Variants in RBMS1 observed in about 807,000 individuals in gnomAD.
RBMS1 encodes the protein RNA binding motif single stranded interacting protein 1.
Under a neutral mutation model 62.3 loss-of-function variants are expected in RBMS1, and 17 were observed. That is an observed-to-expected ratio of 0.27 (90% CI 0.19 to 0.41). The LOEUF (loss-of-function observed/expected upper bound fraction) is 0.41. Ranked by LOEUF, RBMS1 falls within the 10% of genes least tolerant of loss-of-function variation. The pLI is 1.00. For missense variants in RBMS1, 334 were observed against 504.5 expected, an observed-to-expected ratio of 0.66 and a Z score of 3.24; for synonymous variants, 172 against 170.0, an observed-to-expected ratio of 1.01 and a Z score of -0.09.
intron 2 of RBMS1, among the ~76,000 whole-genome samples, chr2:160,327,870 T>C (rs370838439): frequency 8.3e-4 from 127 of 152,342 alleles, no homozygotes; most frequent in African/African-American, 3.0e-3. Flanking sequence ...AATTTGATCA[T>C]AGAAAGTGGC....
Position 160,278,667 on chromosome 2 carries a change from T to G in RBMS1, c.952-9A>C. On this transcript the variant is annotated splice_polypyrimidine_tract_variant and intron_variant, in intron 10 of 13. Coordinates refer to ENST00000348849, the MANE Select transcript of RBMS1 (RefSeq NM_016836.4). ...GGAGTTAACACGGCACCCTGGGGAG[T>G]TGGAGACAGGAGCAAAATTAGACAA... 1 of 1,592,632 alleles carries G rather than the reference T, an allele frequency of 6.3e-7. No homozygotes were observed. Among genetic ancestry groups the G allele is most frequent in the Non-Finnish European group, 8.6e-7 (1 of 1,167,034 alleles).
Position 160,356,016 on chromosome 2 carries a change from C to T in RBMS1, c.251+11200G>A, listed in dbSNP as rs547378867. Among the ~76,000 whole-genome samples the T allele has an allele frequency of 1.9e-4, 29 of 152,122 alleles. 1 individual carries two copies. Among genetic ancestry groups the T allele is most frequent in the Non-Finnish European group, 1.9e-4 (13 of 68,006 alleles). ...TATGTTTTAATCAGATTTATACTTA[C>T]AGCAAAACTATAATGTTCTTATATG... On this transcript the variant is annotated intron_variant, in intron 2 of 13. Coordinates refer to ENST00000348849, the MANE Select transcript of RBMS1 (RefSeq NM_016836.4).
intron 1 of RBMS1, among the ~76,000 whole-genome samples, chr2:160,478,387 T>C (rs958695576): frequency 6.6e-6 from 1 of 152,214 alleles, no homozygotes; most frequent in African/African-American, 2.4e-5. Flanking sequence ...TACTCAATCA[T>C]ACAATCCTAA....
intron 1 of RBMS1, among the ~76,000 whole-genome samples, chr2:160,389,019 T>C (rs1357196859): frequency 6.6e-6 from 1 of 152,252 alleles, no homozygotes; most frequent in Non-Finnish European, 1.5e-5. Flanking sequence ...TGATTGTTTG[T>C]GGCAAAAATT....
chr2:160,385,853 A>T (rs1214080162), intron 1 of RBMS1, among the ~76,000 whole-genome samples: 3 of 152,210 alleles, frequency 2.0e-5, no homozygotes, highest in Non-Finnish European at 2.9e-5. Context: ...ACCTGCGCTC[A>T]CAAGAGACTC....
intron 3 of RBMS1, among the ~76,000 whole-genome samples, chr2:160,313,562 G>T (rs55779984): frequency 1.3e-5 from 2 of 151,060 alleles, no homozygotes; most frequent in African/African-American, 4.9e-5. Flanking sequence ...TTAAAAAAAA[G>T]AAATTTAAAA....
chr2:160,302,777 C>A (rs983291670), intron 5 of RBMS1: 1 of 151,136 alleles, frequency 6.6e-6, no homozygotes, highest in Non-Finnish European at 1.5e-5. Flanking sequence ...CAGGCATGAG[C>A]CACCATGCCT....
chr2:160,341,692 A>C (rs967460048), intron 2 of RBMS1, among the ~76,000 whole-genome samples: 6 of 152,190 alleles, frequency 3.9e-5, no homozygotes, highest in Admixed American at 1.3e-4. Flanking sequence ...ATAGGGAGGC[A>C]ATAGGGCAGT....
intron 1 of RBMS1, among the ~76,000 whole-genome samples, chr2:160,476,633 C>A (rs1342618328): frequency 1.4e-5 from 2 of 144,124 alleles, no homozygotes; most frequent in Non-Finnish European, 3.0e-5. Context: ...CGGCTCACTG[C>A]AAGCTCCGCC....
chr2:160,322,934 G>A (rs929725784), intron 2 of RBMS1, among the ~76,000 whole-genome samples: 1 of 152,136 alleles, frequency 6.6e-6, no homozygotes, highest in African/African-American at 2.4e-5. Context: ...ATATCAAATG[G>A]CACCTCAGGG....
intron 1 of RBMS1, among the ~76,000 whole-genome samples, chr2:160,439,359 G>A (rs1185280122): frequency 2.7e-5 from 4 of 150,262 alleles, no homozygotes; most frequent in Non-Finnish European, 5.9e-5. Context: ...CCAGGCAGAG[G>A]GTCTCCTCAC....
intron 1 of RBMS1, among the ~76,000 whole-genome samples, chr2:160,426,297 A>AGAAAGAAAGAAAAGAAAGAAG (rs1559537519): frequency 1.8e-5 from 1 of 56,102 alleles, no homozygotes; most frequent in Non-Finnish European, 3.6e-5. Context: ...AAGAAAAGAA[A>AGAAAGAAAGAAAAGAAAGAAG]GAAGGAAGGA....
chr2:160,279,394 C>T (rs1346862186), intron 10 of RBMS1: 1 of 152,038 alleles, frequency 6.6e-6, no homozygotes. Flanking sequence ...CTCAGCCAGT[C>T]TAATACAACC....
At chr2:160,453,795 C>T (rs1684097604) in intron 1 of RBMS1, among the ~76,000 whole-genome samples, 1 of 152,126 alleles carries the variant, frequency 6.6e-6, no homozygotes, top group African/African-American at 2.4e-5. Flanking sequence ...TTCTCCTTAC[C>T]CACCCTTCTT....
Position 160,272,752 on chromosome 2 carries a change from G to C in RBMS1, c.*2020C>G. 6.6e-6 allele frequency: 1 copy of C among 152,206 alleles called. No homozygotes were observed. The highest frequency in any genetic ancestry group is 2.4e-5 in the African/African-American group (1 of 41,532). The allele number at this position is 152,206 out of a possible 1,614,324, so 9.4% of individuals were successfully genotyped here. On this transcript the variant is annotated 3_prime_UTR_variant, in exon 14 of 14. Coordinates refer to ENST00000348849, the MANE Select transcript of RBMS1 (RefSeq NM_016836.4). ...AATAATACCACAACTTTAAAAAAATGAAACAAAAACAAAAACAAAAACACA... is the reference window on the plus strand; with the variant it reads ...AATAATACCACAACTTTAAAAAAATCAAACAAAAACAAAAACAAAAACACA...
intron 2 of RBMS1, among the ~76,000 whole-genome samples, chr2:160,332,365 C>T (rs184767418): frequency 2.6e-5 from 4 of 152,228 alleles, no homozygotes; most frequent in Non-Finnish European, 5.9e-5. Flanking sequence ...GGGACAAAAA[C>T]GTCCCAATAC....
chr2:160,454,750 A>C (rs1475391336), intron 1 of RBMS1, among the ~76,000 whole-genome samples: 1 of 152,206 alleles, frequency 6.6e-6, no homozygotes, highest in African/African-American at 2.4e-5. Context: ...CCAGTAAGTC[A>C]CTAAGGGTTT....
chr2:160,324,903 TATATACACAC>T lies in RBMS1; in HGVS notation c.252-6686_252-6677del, dbSNP rs1171028495. ...GTGTGTATATATATATATATATATA[TATATACACAC>T]ACACACACACACACACACACACACA... On this transcript the variant is annotated intron_variant, in intron 2 of 13. Coordinates refer to ENST00000348849, the MANE Select transcript of RBMS1 (RefSeq NM_016836.4). Among the ~76,000 whole-genome samples the T allele has an allele frequency of 1.2e-4, 14 of 118,988 alleles. No homozygotes were observed. The East Asian group carries it at 2.0e-3, about 17-fold the overall frequency. 78.1% of individuals were successfully genotyped at this position (118,988 alleles called of 152,430 possible). A position where few individuals can be genotyped will look rare whatever the true frequency, so the allele number is the denominator to read the frequency against.
chr2:160,370,929 A>C (rs909760831), intron 1 of RBMS1, among the ~76,000 whole-genome samples: 4 of 152,262 alleles, frequency 2.6e-5, no homozygotes, highest in Non-Finnish European at 5.9e-5. Flanking sequence ...AAGTATTAAA[A>C]AAACAAAGAT....
Sources: gnomAD v4.1 joint callset for allele counts (sites outside exome capture counted in the v4.1 genomes callset) on GRCh38, gnomAD v4.1.1 for gene constraint, MANE v1.5 for transcripts, NCBI Gene and HGNC (gene_info 2026-07-23, HGNC 2026-07-21) for gene names.